DNAI4: variants seen among roughly 807,000 people sequenced by gnomAD.
DNAI4 encodes dynein axonemal intermediate chain 4.
DNAI4 carries 85 observed loss-of-function variants against 105.8 expected under a neutral mutation model. The observed-to-expected ratio is 0.80, with a 90% confidence interval of 0.67 to 0.96. The LOEUF (loss-of-function observed/expected upper bound fraction) is 0.96, where lower values mean the gene tolerates loss of function less well. DNAI4 is among the 40% of genes least tolerant of loss of function. The pLI, the probability that DNAI4 is intolerant of heterozygous loss-of-function variation, is 0.00. For synonymous variants in DNAI4, 352 were observed against 331.5 expected (o/e 1.06, Z -0.67); for missense variants, 1,014 against 1,005.6 (o/e 1.01, Z -0.11).
At chr1:66,859,052 G>C (rs541280253) in intron 7 of DNAI4, among the ~76,000 whole-genome samples, 1 of 152,148 alleles carries the variant, frequency 6.6e-6, no homozygotes, top group Admixed American at 6.5e-5. Flanking sequence ...TAAAAATGAA[G>C]AGAGAAGCCA....
At chr1:66,874,509 T>C (rs1365647991) in intron 5 of DNAI4, among the ~76,000 whole-genome samples, 3 of 152,164 alleles carry the variant, frequency 2.0e-5, no homozygotes, top group Non-Finnish European at 2.9e-5. Flanking sequence ...TTCTGTTATT[T>C]GGCTTAGAAG....
At chr1:66,848,067 G>T (rs139362608) in intron 7 of DNAI4, 1 of 385,562 alleles carries the variant, frequency 2.6e-6, no homozygotes, top group African/African-American at 2.1e-5. Context: ...AATCACAGTG[G>T]CTTAAAACAA....
Position 66,924,771 on chromosome 1 carries a change from ACCCCCAAGCT to A in DNAI4, c.51_60del (p.Ala18ThrfsTer37), listed in dbSNP as rs763472569. The stretch of plus-strand genomic sequence containing the variant: ...TTTTGGCCGCCTCTGAAGTCCCTGT[ACCCCCAAGCT>A]CCTCCGTTAGCGGCTCGGGCCGAGG... On this transcript the variant is annotated frameshift_variant, in exon 1 of 17. Transcript: ENST00000371026. LOFTEE classifies it high-confidence loss of function. 135 of 1,613,712 alleles carry A rather than the reference ACCCCCAAGCT, an allele frequency of 8.4e-5. No homozygotes were observed. The highest frequency in any genetic ancestry group is 1.0e-4 in the Non-Finnish European group (118 of 1,179,974).
Position 66,847,519 on chromosome 1 carries a change from T to C in DNAI4, c.1256A>G (p.Lys419Arg). Residue 419 changes from lysine (K) to arginine (R), a missense_variant, in exon 8 of 17, where the codon AAA becomes AGA. Coordinates refer to ENST00000371026, the MANE Select transcript of DNAI4 (RefSeq NM_024763.5). ...AGGAAGCTGACGATAAGCTGCAAGT[T>C]TGGGCTGAAATATATTTTCCATCAG... ...RVLMENIFQP[K>R]LAAYRQLPVL... 1 of 1,613,308 alleles carries C rather than the reference T, an allele frequency of 6.2e-7. No homozygotes were observed. The highest frequency in any genetic ancestry group is 1.1e-5 in the South Asian group (1 of 90,836).
chr1:66,907,610 C>T (rs573895738), intron 1 of DNAI4, among the ~76,000 whole-genome samples: 15 of 152,284 alleles, frequency 9.9e-5, no homozygotes, highest in African/African-American at 3.6e-4. Context: ...TTTCTTATGG[C>T]ATTTACCTTT....
chr1:66,823,249 T>C (rs1426287082), intron 15 of DNAI4, among the ~76,000 whole-genome samples: 3 of 149,246 alleles, frequency 2.0e-5, no homozygotes, highest in African/African-American at 7.4e-5. Flanking sequence ...CATCATTTTT[T>C]ATGGCTGCAT....
chr1:66,907,823 T>G (rs1200874199), intron 1 of DNAI4, among the ~76,000 whole-genome samples: 1 of 152,222 alleles, frequency 6.6e-6, no homozygotes, highest in East Asian at 1.9e-4. Context: ...TGGTCATACA[T>G]GTGGCTTTTG....
chr1:66,839,387 T>G (rs1234619001), intron 9 of DNAI4, among the ~76,000 whole-genome samples: 1 of 152,204 alleles, frequency 6.6e-6, no homozygotes, highest in African/African-American at 2.4e-5. Flanking sequence ...ATACACATAA[T>G]TAAAATAATG....
intron 3 of DNAI4, among the ~76,000 whole-genome samples, 163 bp downstream of exon 3, chr1:66,893,066 A>AG (rs2100775538): frequency 1.0e-5 from 1 of 96,052 alleles, no homozygotes; most frequent in East Asian, 3.1e-4. Context: ...AGAGAGAGAG[A>AG]AAGAAAGAAA....
chr1:66,915,959 T>TA (rs1181917175), intron 1 of DNAI4, among the ~76,000 whole-genome samples: 10 of 151,646 alleles, frequency 6.6e-5, no homozygotes, highest in African/African-American at 2.4e-4. Context: ...CCATCTCTAC[T>TA]AAAAATACAA....
intron 4 of DNAI4, among the ~76,000 whole-genome samples, chr1:66,881,976 G>T (rs1049786350): frequency 7.9e-5 from 12 of 152,148 alleles, no homozygotes; most frequent in African/African-American, 2.7e-4. Context: ...TTTTAAAAAT[G>T]GGAGTTTCCC....
chr1:66,891,678 G>A (rs1647662722), intron 3 of DNAI4, among the ~76,000 whole-genome samples: 1 of 152,140 alleles, frequency 6.6e-6, no homozygotes, highest in Admixed American at 6.5e-5. Flanking sequence ...TGGCCAGGCT[G>A]GTCTTGAACT....
In DNAI4 at chr1:66,924,805, G is replaced by A. The variant is rs1651057641; in HGVS notation, c.27C>T (p.Ala9=). The A allele has an allele frequency of 1.2e-6, 2 of 1,613,990 alleles. No individual in the cohort carries two copies. The highest frequency in any genetic ancestry group is 1.7e-6 in the Non-Finnish European group (2 of 1,180,020). Residue 9 remains alanine (A), a synonymous_variant, in exon 1 of 17, where the codon GCC becomes GCT. Transcript: ENST00000371026. MTPGKHSG[A]SARAANGGAW... ...CTCCTCCGTTAGCGGCTCGGGCCGA[G>A]GCTCCGGAATGTTTGCCGGGCGTCA... is the stretch of plus-strand genomic sequence containing the variant.
chr1:66,894,746 T>C (rs953486585), intron 2 of DNAI4, among the ~76,000 whole-genome samples: 1 of 152,192 alleles, frequency 6.6e-6, no homozygotes, highest in Non-Finnish European at 1.5e-5. Flanking sequence ...ACATTTATTA[T>C]AAAATAAGTG....
At chr1:66,902,136 C>CAAT (rs1648873951) in intron 2 of DNAI4, among the ~76,000 whole-genome samples, 1 of 152,102 alleles carries the variant, frequency 6.6e-6, no homozygotes, top group Non-Finnish European at 1.5e-5. Flanking sequence ...CCTGGCCCTA[C>CAAT]AATACCATTT....
At chr1:66,868,407 G>C (rs1049510765) in intron 6 of DNAI4, among the ~76,000 whole-genome samples, 22 of 152,188 alleles carry the variant, frequency 1.4e-4, no homozygotes, top group African/African-American at 4.1e-4. Context: ...GTGTATCTGT[G>C]AGGGTGTATT....
intron 2 of DNAI4, among the ~76,000 whole-genome samples, chr1:66,899,529 T>A (rs1258709407): frequency 6.6e-6 from 1 of 152,202 alleles, no homozygotes; most frequent in Non-Finnish European, 1.5e-5. Flanking sequence ...TTCTGTGGGT[T>A]ATCTTTTCAC....
Position 66,874,756 on chromosome 1 carries a change from A to G in DNAI4, c.800+25T>C, listed in dbSNP as rs529788893. Reference sequence around the variant, plus strand: ...GCTTAGCATTTGAATTACAGAAACAATGTAGACAACTGAACCATACATACG... The same window carrying G: ...GCTTAGCATTTGAATTACAGAAACAGTGTAGACAACTGAACCATACATACG... On this transcript the variant is annotated intron_variant, in intron 5 of 16. Transcript: ENST00000371026. The G allele has an allele frequency of 3.2e-6, 5 of 1,584,508 alleles. No individual in the cohort carries two copies. In the East Asian group the frequency reaches 1.1e-4, roughly 35 times the overall value.
intron 4 of DNAI4, among the ~76,000 whole-genome samples, chr1:66,879,627 G>T (rs1326763702): frequency 2.0e-5 from 3 of 152,138 alleles, no homozygotes; most frequent in Admixed American, 2.0e-4. Flanking sequence ...CAAACTGGAT[G>T]TACCATTGTG....
Sources: gnomAD v4.1 joint callset for allele counts (sites outside exome capture counted in the v4.1 genomes callset) on GRCh38, gnomAD v4.1.1 for gene constraint, MANE v1.5 for transcripts, NCBI Gene and HGNC (gene_info 2026-07-23, HGNC 2026-07-21) for gene names.